Variants in PRKAG2 observed in about 807,000 individuals in gnomAD.
PRKAG2 encodes 5'-AMP-activated protein kinase subunit gamma-2.
PRKAG2 carries 26 observed loss-of-function variants against 69.6 expected under a neutral mutation model. The observed-to-expected ratio is 0.37, with a 90% CI of 0.27 to 0.52. The LOEUF is 0.52. PRKAG2 is among the 20% of genes least tolerant of loss of function. The pLI is 0.90. For synonymous variants in PRKAG2, 293 were observed against 285.0 expected (o/e 1.03, Z -0.28); for missense variants, 557 against 740.0 (o/e 0.75, Z 2.87).
rs2151134700 is a variant in PRKAG2 at position 151,595,411 on chromosome 7, C to T, written c.798G>A (p.Arg266=). 6.2e-7 allele frequency: 1 copy of T among 1,613,976 alleles called. No homozygotes were observed. The highest frequency in any genetic ancestry group is 1.1e-5 in the South Asian group (1 of 91,076). The change falls in exon 6 of 16, where the codon AGG becomes AGA. Residue 266 remains arginine, a synonymous_variant. Coordinates refer to ENST00000287878, the MANE Select transcript of PRKAG2 (RefSeq NM_016203.4). ...SESGVYMRFM[R]SHKCYDIVPT... ...GAACGATGTCATAACACTTGTGTGA[C>T]CTCATGAATCGCATGTAAACACCAC... is the stretch of plus-strand genomic sequence containing the variant.
chr7:151,647,771 C>A (rs992925364), intron 4 of PRKAG2, among the ~76,000 whole-genome samples: 2 of 152,130 alleles, frequency 1.3e-5, no homozygotes, highest in African/African-American at 4.8e-5. Flanking sequence ...AATCTCAAAT[C>A]GTTTTTGGCA....
intron 1 of PRKAG2, among the ~76,000 whole-genome samples, chr7:151,866,809 C>G (rs905124923): frequency 6.6e-6 from 1 of 152,116 alleles, no homozygotes; most frequent in East Asian, 1.9e-4. Flanking sequence ...CCTGCCTGCC[C>G]GTCTTCTGGA....
intron 1 of PRKAG2, among the ~76,000 whole-genome samples, chr7:151,875,671 T>TC (rs2080377013): frequency 1.4e-5 from 2 of 143,474 alleles, no homozygotes; most frequent in South Asian, 4.8e-4. Context: ...GGGCCACACC[T>TC]CCCACCGCCC....
chr7:151,607,549 A>C (rs1225701079), intron 5 of PRKAG2, among the ~76,000 whole-genome samples: 1 of 152,002 alleles, frequency 6.6e-6, no homozygotes, highest in Non-Finnish European at 1.5e-5. Flanking sequence ...TATAAGCATG[A>C]GTCACTGTGC....
At position 151,835,970 on chromosome 7, in the gene PRKAG2, A is replaced by G. The variant is rs568847934; in HGVS notation, c.114+40537T>C. Among the ~76,000 whole-genome samples, 2 of 152,336 alleles carry G rather than the reference A, an allele frequency of 1.3e-5. No individual in the cohort carries two copies. Among genetic ancestry groups the G allele is most frequent in the South Asian group, 4.1e-4 (2 of 4,822 alleles). On this transcript the variant is annotated intron_variant, in intron 1 of 15. Transcript: ENST00000287878. This position sits in a 1 kb window ranked among gnomAD's most constrained non-coding sequence, Gnocchi z 4.1. ...CCAATCCACGGGCATTGATTGCTCCATGGACCAGCGTGTCTGAGCTCCCTG... is the reference window on the plus strand; with the variant it reads ...CCAATCCACGGGCATTGATTGCTCCGTGGACCAGCGTGTCTGAGCTCCCTG...
chr7:151,641,243 CCTTT>C (rs1226544016), intron 4 of PRKAG2, among the ~76,000 whole-genome samples: 8 of 119,416 alleles, frequency 6.7e-5, no homozygotes, highest in African/African-American at 2.7e-4. Context: ...CTTCTTTTTT[CCTTT>C]TTTTTTTTTT....
rs148113184 is a variant in PRKAG2, at chr7:151,708,636, G to C, written c.467-32999C>G. Among the ~76,000 whole-genome samples, 3 of 152,274 alleles carry C rather than the reference G, an allele frequency of 2.0e-5. No individual in the cohort carries two copies. In the East Asian group the frequency reaches 5.8e-4, roughly 29 times the overall value. On this transcript the variant is annotated intron_variant, in intron 3 of 15. Coordinates refer to ENST00000287878, the MANE Select transcript of PRKAG2 (RefSeq NM_016203.4). ...CAAGTGAGGATACACTGTCCACGTGGAGGGCTTTCCTGTCGTACCCCGTGT... is the reference window on the plus strand; with the variant it reads ...CAAGTGAGGATACACTGTCCACGTGCAGGGCTTTCCTGTCGTACCCCGTGT...
At chr7:151,644,916 T>A (rs1431704622) in intron 4 of PRKAG2, among the ~76,000 whole-genome samples, 1 of 152,258 alleles carries the variant, frequency 6.6e-6, no homozygotes, top group Non-Finnish European at 1.5e-5. Context: ...GAGTTTAATT[T>A]GCATTTCCTT....
intron 5 of PRKAG2, among the ~76,000 whole-genome samples, chr7:151,618,440 C>A (rs533467919): frequency 1.4e-5 from 2 of 146,944 alleles, no homozygotes. Context: ...GCAATAAGAG[C>A]AAGACTCCGT....
chr7:151,723,505 C>T (rs942927906), intron 3 of PRKAG2, among the ~76,000 whole-genome samples: 1 of 152,228 alleles, frequency 6.6e-6, no homozygotes. Flanking sequence ...TCACGCGGCC[C>T]ACCCCAAGGA....
intron 1 of PRKAG2, among the ~76,000 whole-genome samples, chr7:151,849,955 G>A (rs916507111): frequency 2.0e-5 from 3 of 152,204 alleles, no homozygotes; most frequent in South Asian, 2.1e-4. Flanking sequence ...CATGCTGGGC[G>A]TGTTCCCACC....
In PRKAG2 at chr7:151,777,984, T is replaced by C. The variant is rs187767038; in HGVS notation, c.466+3168A>G. Among the ~76,000 whole-genome samples the C allele has an allele frequency of 3.0e-4, 46 of 152,258 alleles. No individual in the cohort carries two copies. Among genetic ancestry groups the C allele is most frequent in the African/African-American group, 1.0e-3 (43 of 41,540 alleles). On this transcript the variant is annotated intron_variant, in intron 3 of 15. Transcript: ENST00000287878. The surrounding 1 kb of genome is among the most constrained non-coding windows in gnomAD (Gnocchi z 4.3). ...CTTCCCCAGTTGCTCCTGTAGATAG[T>C]ATCACTATTTAACACCTAAGATTGG... is the stretch of plus-strand genomic sequence containing the variant.
chr7:151,834,121 C>T (rs2079096623), intron 1 of PRKAG2, among the ~76,000 whole-genome samples: 1 of 152,106 alleles, frequency 6.6e-6, no homozygotes, highest in African/African-American at 2.4e-5. Context: ...GTTAAATGCA[C>T]CTTGGAAAGA....
In PRKAG2 at chr7:151,699,151, C is replaced by T. The variant is rs1277083500; in HGVS notation, c.467-23514G>A. On this transcript the variant is annotated intron_variant, in intron 3 of 15. Coordinates refer to ENST00000287878, the MANE Select transcript of PRKAG2 (RefSeq NM_016203.4). The surrounding 1 kb of genome is among the most constrained non-coding windows in gnomAD (Gnocchi z 4.5). ...ACCTTTCCTTCTCTGACCTCTGTCC[C>T]CATCCCTGCCCCAAGTTGTGTCTCT... Among the ~76,000 whole-genome samples, 1 of 152,238 alleles carries T rather than the reference C, an allele frequency of 6.6e-6. No individual in the cohort carries two copies. The highest frequency in any genetic ancestry group is 1.5e-5 in the Non-Finnish European group (1 of 68,042).
chr7:151,732,542 C>A (rs1046747332), intron 3 of PRKAG2, among the ~76,000 whole-genome samples: 4 of 152,170 alleles, frequency 2.6e-5, no homozygotes, highest in African/African-American at 9.7e-5. Flanking sequence ...GAACAGGGAG[C>A]AACCCTGGGC....
intron 4 of PRKAG2, among the ~76,000 whole-genome samples, chr7:151,649,220 G>C (rs138373394): frequency 0.022 from 3,389 of 152,206 alleles, 140 homozygotes; most frequent in African/African-American, 0.077. Flanking sequence ...CCACCTCCCA[G>C]GTTCAAACGA....
At chr7:151,721,661 G>C (rs1797137947) in intron 3 of PRKAG2, among the ~76,000 whole-genome samples, 1 of 152,216 alleles carries the variant, frequency 6.6e-6, no homozygotes, top group African/African-American at 2.4e-5. Context: ...GGGAGCAGCA[G>C]GGTAGGCCCC....
intron 1 of PRKAG2, among the ~76,000 whole-genome samples, chr7:151,813,104 C>T (rs928749758): frequency 6.6e-6 from 1 of 152,076 alleles, no homozygotes; most frequent in Non-Finnish European, 1.5e-5. Context: ...CCCCAGGGTG[C>T]CGGCTCACTC....
intron 1 of PRKAG2, among the ~76,000 whole-genome samples, chr7:151,811,895 C>T (rs1881637): frequency 0.81 from 123,539 of 152,240 alleles, 50,496 homozygotes; most frequent in African/African-American, 0.89. Flanking sequence ...TCCGAGGGCC[C>T]GAGTTTGAGC....
Sources: gnomAD v4.1 joint callset for allele counts (sites outside exome capture counted in the v4.1 genomes callset) on GRCh38, gnomAD v4.1.1 for gene constraint, Gnocchi (gnomAD v3.1) non-coding constraint, MANE v1.5 for transcripts, NCBI Gene and HGNC (gene_info 2026-07-23, HGNC 2026-07-21) for gene names.